The following RBFOX1 variants were observed in gnomAD, a reference collection of about 807,000 sequenced individuals.
RBFOX1 encodes the protein RNA binding protein fox-1 homolog 1.
RBFOX1 carries 8 observed loss-of-function variants against 57.7 expected under a neutral mutation model. That is an observed-to-expected ratio of 0.14 (90% CI 0.08 to 0.25). The LOEUF is 0.25. Ranked by LOEUF, RBFOX1 falls within the 10% of genes least tolerant of loss-of-function variation. RBFOX1 has a pLI of 1.00. For missense variants in RBFOX1, 611 were observed against 548.5 expected (o/e 1.11, Z -1.14); for synonymous variants, 326 against 222.4 (o/e 1.47, Z -4.15).
At chr16:6,177,060 C>A (rs988561966) in intron 1 of RBFOX1, among the ~76,000 whole-genome samples, 1 of 152,016 alleles carries the variant, frequency 6.6e-6, no homozygotes, top group Non-Finnish European at 1.5e-5. Context: ...CTGAAAACAA[C>A]GTAATAGTCA....
intron 1 of RBFOX1, among the ~76,000 whole-genome samples, chr16:5,338,695 A>G (rs576924209): frequency 2.6e-5 from 4 of 152,196 alleles, no homozygotes; most frequent in Non-Finnish European, 4.4e-5. Context: ...GCCAGAATCT[A>G]TCACCCAGGC....
At chr16:7,070,625 A>G (rs576911231) in intron 4 of RBFOX1, among the ~76,000 whole-genome samples, 2 of 152,274 alleles carry the variant, frequency 1.3e-5, no homozygotes, top group African/African-American at 2.4e-5. Context: ...GGGTTTGCTT[A>G]TTTGCTCCTA....
chr16:7,487,046 C>T (rs1049196728), intron 4 of RBFOX1, among the ~76,000 whole-genome samples: 3 of 152,142 alleles, frequency 2.0e-5, no homozygotes, highest in African/African-American at 7.2e-5. Context: ...CTTACAGGTA[C>T]CTGCCATCAT....
At chr16:6,607,201 T>G (rs2097945462) in intron 2 of RBFOX1, among the ~76,000 whole-genome samples, 1 of 152,118 alleles carries the variant, frequency 6.6e-6, no homozygotes, top group African/African-American at 2.4e-5. Flanking sequence ...GACTACTGAT[T>G]GGGGACAATG....
chr16:6,607,635 C>T lies in RBFOX1; in HGVS notation c.-63-46968C>T, dbSNP rs191751716. 1.8e-3 allele frequency among the ~76,000 whole-genome samples: 279 copies of T among 151,940 alleles called. 1 individual carries two copies. Among genetic ancestry groups the T allele is most frequent in the Non-Finnish European group, 3.1e-3 (211 of 67,928 alleles). ...TTTCTCTCTCTTCTTCCTCCTCTATCTCTCCTCTCTCTTTCTGTCTTCTTC... is the reference window on the plus strand; with the variant it reads ...TTTCTCTCTCTTCTTCCTCCTCTATTTCTCCTCTCTCTTTCTGTCTTCTTC... On this transcript the variant is annotated intron_variant, in intron 2 of 15. Transcript: ENST00000550418.
intron 2 of RBFOX1, among the ~76,000 whole-genome samples, chr16:6,391,883 A>G (rs944092339): frequency 2.0e-5 from 3 of 152,248 alleles, no homozygotes; most frequent in Non-Finnish European, 2.9e-5. Context: ...AGTGTGCTCT[A>G]ATAAATGCAT....
At chr16:7,456,170 C>T (rs535107655) in intron 4 of RBFOX1, among the ~76,000 whole-genome samples, 20 of 152,276 alleles carry the variant, frequency 1.3e-4, no homozygotes, top group African/African-American at 4.6e-4. Flanking sequence ...AGGGGCAGGG[C>T]AGGGCTCTGT....
intron 1 of RBFOX1, among the ~76,000 whole-genome samples, chr16:6,164,041 T>G (rs2152750039): frequency 6.6e-6 from 1 of 152,318 alleles, no homozygotes; most frequent in Non-Finnish European, 1.5e-5. Context: ...AATCTTCTTA[T>G]TTAACAAAAA....
At chr16:7,484,869 T>G (rs958881290) in intron 4 of RBFOX1, among the ~76,000 whole-genome samples, 1 of 152,312 alleles carries the variant, frequency 6.6e-6, no homozygotes, top group African/African-American at 2.4e-5. Context: ...TGGCCACCTT[T>G]GGGCTATCAG....
At chr16:7,513,115 T>C (rs975641313) in intron 4 of RBFOX1, among the ~76,000 whole-genome samples, 1 of 151,844 alleles carries the variant, frequency 6.6e-6, no homozygotes, top group Non-Finnish European at 1.5e-5. Flanking sequence ...TACAAAAAAT[T>C]AGCCAGTCAT....
chr16:7,135,365 G>C (rs2071628251), intron 4 of RBFOX1, among the ~76,000 whole-genome samples: 1 of 152,206 alleles, frequency 6.6e-6, no homozygotes, highest in South Asian at 2.1e-4. Context: ...ACTGAGACTA[G>C]GCACAGCAGA....
At chr16:7,037,220 C>G (rs941239485) in intron 3 of RBFOX1, among the ~76,000 whole-genome samples, 4 of 127,012 alleles carry the variant, frequency 3.1e-5, no homozygotes, top group African/African-American at 9.2e-5. Context: ...CCCAGTAGGT[C>G]TTAGCCTCTT....
At position 7,304,918 on chromosome 16, in the gene RBFOX1, GT is replaced by G. The variant is rs1568122340; in HGVS notation, c.28-213228del. 3.6e-3 allele frequency among the ~76,000 whole-genome samples: 3 copies of G among 840 alleles called. No individual in the cohort carries two copies. The Admixed American group carries it at 0.058, about 16-fold the overall frequency. 0.6% of individuals were successfully genotyped at this position (840 alleles called of 152,430 possible). On this transcript the variant is annotated intron_variant, in intron 4 of 15. Transcript: ENST00000550418. ...AGAAGTGTGTGGTGTGTGGTGTGGT[GT>G]GTGTGTGTGTGTGTGTGTGTGTGTG...
intron 4 of RBFOX1, among the ~76,000 whole-genome samples, chr16:7,323,537 G>GT (rs2096572662): frequency 6.6e-6 from 1 of 152,262 alleles, no homozygotes; most frequent in Non-Finnish European, 1.5e-5. Flanking sequence ...GCACAAGGGA[G>GT]TTTTGTAGTT....
chr16:5,393,102 C>G (rs1462308713), intron 1 of RBFOX1, among the ~76,000 whole-genome samples: 1 of 152,016 alleles, frequency 6.6e-6, no homozygotes, highest in African/African-American at 2.4e-5. Flanking sequence ...GGCTCAGGGC[C>G]TCAGCAGGTG....
intron 4 of RBFOX1, among the ~76,000 whole-genome samples, chr16:5,877,301 T>C (rs1381407019): frequency 6.6e-6 from 1 of 152,238 alleles, no homozygotes; most frequent in African/African-American, 2.4e-5. Context: ...TTTTAGACCC[T>C]GGTAACTTAA....
intron 3 of RBFOX1, among the ~76,000 whole-genome samples, chr16:6,756,114 A>G (rs1368528935): frequency 6.6e-6 from 1 of 152,220 alleles, no homozygotes; most frequent in Non-Finnish European, 1.5e-5. Context: ...CATTCATAGT[A>G]GAAACCTTTA....
chr16:7,135,013 A>C (rs1390211640), intron 4 of RBFOX1, among the ~76,000 whole-genome samples: 9 of 152,098 alleles, frequency 5.9e-5, no homozygotes, highest in Non-Finnish European at 1.2e-4. Context: ...CCACACTGAC[A>C]ATACAGAGAT....
chr16:6,067,118 T>A (rs2095775537), intron 1 of RBFOX1, among the ~76,000 whole-genome samples: 1 of 152,156 alleles, frequency 6.6e-6, no homozygotes, highest in South Asian at 2.1e-4. Flanking sequence ...GTTATAAGAT[T>A]GAGTGTGTCA....
Sources: gnomAD v4.1 joint callset for allele counts (sites outside exome capture counted in the v4.1 genomes callset) on GRCh38, gnomAD v4.1.1 for gene constraint, MANE v1.5 for transcripts, NCBI Gene and HGNC (gene_info 2026-07-23, HGNC 2026-07-21) for gene names.